CTNNA2: variants seen among roughly 807,000 people sequenced by gnomAD.
CTNNA2 encodes catenin alpha 2, also known as catenin alpha-2.
Under a neutral mutation model 101.0 loss-of-function variants are expected in CTNNA2, and 42 were observed. The observed-to-expected ratio is 0.42, with a 90% CI of 0.32 to 0.54. The LOEUF is 0.54. CTNNA2 is among the 20% of genes least tolerant of loss of function. CTNNA2 has a pLI of 0.14. For missense variants in CTNNA2, 871 were observed against 1,223.1 expected (o/e 0.71, Z 4.29); for synonymous variants, 450 against 456.4 (o/e 0.99, Z 0.18).
intron 4 of CTNNA2, among the ~76,000 whole-genome samples, chr2:79,463,874 T>C (rs1396081523): frequency 6.6e-6 from 1 of 152,150 alleles, no homozygotes; most frequent in Non-Finnish European, 1.5e-5. Context: ...TCCAAATAAC[T>C]TCACTATAGA....
chr2:79,869,344 A>G (rs938579961), intron 4 of CTNNA2, among the ~76,000 whole-genome samples: 3 of 152,216 alleles, frequency 2.0e-5, no homozygotes, highest in African/African-American at 7.2e-5. Flanking sequence ...TAATCCCTTT[A>G]GTCCCGGTGC....
At chr2:80,254,310 A>G (rs1229564812) in intron 7 of CTNNA2, among the ~76,000 whole-genome samples, 1 of 152,152 alleles carries the variant, frequency 6.6e-6, no homozygotes, top group African/African-American at 2.4e-5. Flanking sequence ...GCTTCTGCCC[A>G]CATTGATTCT....
chr2:79,783,704 A>G (rs1309808028), intron 3 of CTNNA2, among the ~76,000 whole-genome samples: 3 of 151,972 alleles, frequency 2.0e-5, no homozygotes, highest in Non-Finnish European at 4.4e-5. Flanking sequence ...ATGTTTCTCC[A>G]TGTCTTCCCT....
chr2:80,206,022 C>T (rs1227217429), intron 7 of CTNNA2, among the ~76,000 whole-genome samples: 1 of 152,102 alleles, frequency 6.6e-6, no homozygotes, highest in African/African-American at 2.4e-5. Flanking sequence ...ATATTTTGTT[C>T]AGCTTTCTTG....
At chr2:80,009,943 A>G (rs1448990593) in intron 7 of CTNNA2, among the ~76,000 whole-genome samples, 1 of 152,174 alleles carries the variant, frequency 6.6e-6, no homozygotes, top group East Asian at 1.9e-4. Context: ...TTACTTTACA[A>G]GTTGCATGAA....
intron 7 of CTNNA2, among the ~76,000 whole-genome samples, chr2:80,315,501 C>G (rs1042693439): frequency 1.3e-5 from 2 of 152,244 alleles, no homozygotes; most frequent in South Asian, 2.1e-4. Context: ...ACTCAACTAA[C>G]TTTAGGTTAG....
intron 7 of CTNNA2, among the ~76,000 whole-genome samples, chr2:80,211,551 G>T (rs1044106420): frequency 6.6e-6 from 1 of 151,906 alleles, no homozygotes; most frequent in African/African-American, 2.4e-5. Context: ...ATTTATGAGG[G>T]CTCTATTCTG....
chr2:80,313,481 T>A lies in CTNNA2; in HGVS notation c.1057-79730T>A, dbSNP rs536656790. The A allele has an allele frequency of 1.8e-5, 28 of 1,554,178 alleles. No homozygotes were observed. In the Admixed American group the frequency reaches 3.5e-4, roughly 20 times the overall value. On this transcript the variant is annotated intron_variant, in intron 7 of 18. Transcript: ENST00000402739. Reference sequence around the variant, plus strand: ...AATATTATTCATGCTATGGCAGAGATGTAAACAAGAGCTGTGGTTGAAGAG... The same window carrying A: ...AATATTATTCATGCTATGGCAGAGAAGTAAACAAGAGCTGTGGTTGAAGAG...
At chr2:80,043,937 A>C (rs904717885) in intron 7 of CTNNA2, among the ~76,000 whole-genome samples, 3 of 152,156 alleles carry the variant, frequency 2.0e-5, no homozygotes, top group African/African-American at 7.2e-5. Context: ...ATGTATGCAC[A>C]CTCATGTTGT....
In CTNNA2 at chr2:79,469,658, C is replaced by G. The variant is rs920165604; in HGVS notation, c.-134-35396C>G. 1.6e-4 allele frequency among the ~76,000 whole-genome samples: 24 copies of G among 152,210 alleles called. No homozygotes were observed. In the East Asian group the frequency reaches 1.7e-3, roughly 11 times the overall value. On this transcript the variant is annotated intron_variant, in intron 4 of 21. Transcript: ENST00000466387. ...AAATACTGGCAAACCGAATCCAGCACCTCATCAAAAAGCTTATCCACCATG... is the reference window on the plus strand; with the variant it reads ...AAATACTGGCAAACCGAATCCAGCAGCTCATCAAAAAGCTTATCCACCATG...
chr2:79,507,014 T>C (rs1671427949), intron 5 of CTNNA2, among the ~76,000 whole-genome samples: 1 of 152,206 alleles, frequency 6.6e-6, no homozygotes, highest in African/African-American at 2.4e-5. Context: ...GGGAATCTTG[T>C]ATAAACAGAG....
intron 3 of CTNNA2, among the ~76,000 whole-genome samples, chr2:79,835,992 C>G (rs909259707): frequency 2.0e-5 from 3 of 152,074 alleles, no homozygotes; most frequent in African/African-American, 7.2e-5. Flanking sequence ...TTTCACTGCT[C>G]ACTGCCCTAG....
chr2:80,629,756 A>G (rs1672075315), intron 18 of CTNNA2, among the ~76,000 whole-genome samples: 1 of 152,154 alleles, frequency 6.6e-6, no homozygotes, highest in Non-Finnish European at 1.5e-5. Flanking sequence ...TCCCAACTAG[A>G]TGCCTGTAGC....
intron 6 of CTNNA2, among the ~76,000 whole-genome samples, chr2:79,895,638 C>A (rs1384532921): frequency 1.3e-5 from 2 of 150,982 alleles, no homozygotes; most frequent in Admixed American, 1.3e-4. Flanking sequence ...AACCATTGAT[C>A]ATCCAGTTAC....
At chr2:80,588,380 AAAGG>A (rs1319556279) in intron 14 of CTNNA2, among the ~76,000 whole-genome samples, 1 of 152,208 alleles carries the variant, frequency 6.6e-6, no homozygotes, top group Non-Finnish European at 1.5e-5. Flanking sequence ...GAGAGCTGAA[AAAGG>A]AAGGCAGAGC....
chr2:79,495,548 A>G (rs887130040), intron 4 of CTNNA2, among the ~76,000 whole-genome samples: 3 of 152,174 alleles, frequency 2.0e-5, no homozygotes, highest in African/African-American at 7.2e-5. Flanking sequence ...TCACTTTGGA[A>G]AACAGTTTGT....
chr2:80,306,650 G>T (rs1328945628), intron 7 of CTNNA2, among the ~76,000 whole-genome samples: 1 of 151,846 alleles, frequency 6.6e-6, no homozygotes, highest in Admixed American at 6.6e-5. Flanking sequence ...AATTATTCGT[G>T]ACAGCAGGCC....
At chr2:80,407,077 TC>T (rs1679138393) in intron 8 of CTNNA2, among the ~76,000 whole-genome samples, 2 of 152,230 alleles carry the variant, frequency 1.3e-5, no homozygotes, top group African/African-American at 4.8e-5. Context: ...CTTCTACTCT[TC>T]CATGTAACTT....
rs537830908 is a variant in CTNNA2, at chr2:79,733,424, T to C, written c.103-10963T>C. 2.0e-5 allele frequency among the ~76,000 whole-genome samples: 3 copies of C among 152,222 alleles called. 1 individual carries two copies. In the South Asian group the frequency reaches 6.2e-4, roughly 32 times the overall value. On this transcript the variant is annotated intron_variant, in intron 2 of 18. Coordinates refer to ENST00000402739, the MANE Select transcript of CTNNA2 (RefSeq NM_001282597.3). ...TTCTTATAGTTTACTTATGCTTGTA[T>C]TTTTAGTACTATCTTCAATCTCCAG...
Sources: allele counts gnomAD v4.1 joint callset (sites outside exome capture counted in the v4.1 genomes callset), GRCh38; gene constraint gnomAD v4.1.1; transcripts MANE v1.5; gene names NCBI Gene and HGNC (gene_info 2026-07-23, HGNC 2026-07-21).